Variants in NPAT observed in about 807,000 individuals in gnomAD.
The protein encoded by NPAT is protein NPAT.
In NPAT, 52 loss-of-function variants were observed where a neutral mutation model predicts 130.7. The observed-to-expected ratio is 0.40, with a 90% CI of 0.32 to 0.50. The LOEUF is 0.50. Ranked by LOEUF, NPAT falls within the 20% of genes least tolerant of loss-of-function variation. The pLI is 0.68. For missense variants in NPAT, 1,687 were observed against 1,662.6 expected, an observed-to-expected ratio of 1.01 and a Z score of -0.26; for synonymous variants, 580 against 584.8, an observed-to-expected ratio of 0.99 and a Z score of 0.12.
chr11:108,201,695 T>C (rs1451755745), intron 1 of NPAT, among the ~76,000 whole-genome samples: 2 of 152,196 alleles, frequency 1.3e-5, no homozygotes, highest in Non-Finnish European at 2.9e-5. Context: ...ATACTCCACA[T>C]AATGTGGCAG....
At chr11:108,193,419 C>A (rs1469490048) in intron 3 of NPAT, among the ~76,000 whole-genome samples, 1 of 151,990 alleles carries the variant, frequency 6.6e-6, no homozygotes, top group Non-Finnish European at 1.5e-5. Flanking sequence ...AATTTATGTA[C>A]CACTCAATGT....
chr11:108,172,217 A>C lies in NPAT; in HGVS notation c.2767T>G (p.Ser923Ala). Reference protein sequence around the residue: ...NSVFAVNQAVSPNFSQGSAII... With the variant: ...NSVFAVNQAVAPNFSQGSAII... The stretch of plus-strand genomic sequence containing the variant: ...AAGTTACCTTGTGAAAAGTTTGGTG[A>C]CACAGCTTGGTTGACAGCAAATACA... The change falls in exon 13 of 18, where the codon TCA becomes GCA. Residue 923 changes from serine (S) to alanine (A), a missense_variant. Ser to Ala is a moderately conservative substitution (Grantham distance 99). Around this residue, in one of 3 missense-constraint regions of NPAT, gnomAD observed 1,379 missense variants for 1,346.6 expected, o/e 1.02. Coordinates refer to ENST00000278612, the MANE Select transcript of NPAT (RefSeq NM_002519.3). 6.2e-7 allele frequency: 1 copy of C among 1,614,130 alleles called. No homozygotes were observed. Among genetic ancestry groups the C allele is most frequent in the Non-Finnish European group, 8.5e-7 (1 of 1,179,974 alleles).
intron 1 of NPAT, among the ~76,000 whole-genome samples, chr11:108,211,796 A>C (rs979759398): frequency 3.3e-5 from 5 of 152,198 alleles, no homozygotes; most frequent in Non-Finnish European, 7.3e-5. Context: ...CAAAAAATTA[A>C]AAATTTAGCT....
Position 108,188,131 on chromosome 11 carries a change from T to G in NPAT, c.605A>C (p.His202Pro), listed in dbSNP as rs747183862. The G allele has an allele frequency of 1.2e-6, 2 of 1,613,702 alleles. No individual in the cohort carries two copies. Among genetic ancestry groups the G allele is most frequent in the Non-Finnish European group, 1.7e-6 (2 of 1,179,816 alleles). Residue 202 changes from histidine to proline, a missense_variant, in exon 7 of 18, where the codon CAT becomes CCT. By Grantham distance (77) the His-to-Pro change is moderately conservative. Coordinates refer to ENST00000278612, the MANE Select transcript of NPAT (RefSeq NM_002519.3). ...VIPGAQEKKA[H>P]ASLMSPGRRK... ...TCTACCGGGAGACATTAAACTGGCA[T>G]GTGCTTTCTTTTCCTGAGCACCAGG...
At chr11:108,207,674 A>G (rs1184228840) in intron 1 of NPAT, among the ~76,000 whole-genome samples, 2 of 152,234 alleles carry the variant, frequency 1.3e-5, no homozygotes, top group African/African-American at 4.8e-5. Context: ...GGGAGCAGGG[A>G]GAGGCCAGGC....
At chr11:108,208,587 TTA>T in intron 1 of NPAT, 5 of 265,216 alleles carry the variant, frequency 1.9e-5, no homozygotes, top group Non-Finnish European at 3.7e-5. Flanking sequence ...GACCCTGTCT[TTA>T]AAAAAAAAAA....
Position 108,170,186 on chromosome 11 carries a change from C to A in NPAT, c.2786-143G>T. On this transcript the variant is annotated intron_variant, in intron 13 of 17. Coordinates refer to ENST00000278612, the MANE Select transcript of NPAT (RefSeq NM_002519.3). ...TTCCTTACGATCCACTCTCCAAAAA[C>A]AAAACAAAACAAAACAAAAAAAACG... is the stretch of plus-strand genomic sequence containing the variant. The A allele has an allele frequency of 1.5e-3, 717 of 472,606 alleles. No homozygotes were observed. The highest frequency in any genetic ancestry group is 3.9e-3 in the Middle Eastern group (6 of 1,534). The allele number at this position is 472,606 out of a possible 1,614,324, so 29.3% of individuals were successfully genotyped here. A position where few individuals can be genotyped will look rare whatever the true frequency, so the allele number is the denominator to read the frequency against.
chr11:108,184,082 G>T (rs1374361219), intron 10 of NPAT, among the ~76,000 whole-genome samples: 5 of 152,020 alleles, frequency 3.3e-5, no homozygotes, highest in Non-Finnish European at 7.4e-5. Flanking sequence ...ACTACCAATA[G>T]CAACAGTGAC....
At chr11:108,186,414 T>C (rs2078108395) in intron 8 of NPAT, 68 bp downstream of exon 8, 1 of 1,113,926 alleles carries the variant, frequency 9.0e-7, no homozygotes, top group Non-Finnish European at 1.4e-6. Flanking sequence ...ATACATACAT[T>C]TGTGTATATA....
intron 1 of NPAT, among the ~76,000 whole-genome samples, chr11:108,219,910 C>G (rs2078467907): frequency 6.6e-6 from 1 of 152,216 alleles, no homozygotes; most frequent in Admixed American, 6.5e-5. Context: ...TTAAGAAGTA[C>G]TGACTGTACT....
At chr11:108,183,877 A>G (rs1893813) in intron 10 of NPAT, among the ~76,000 whole-genome samples, 95,295 of 151,622 alleles carry the variant, frequency 0.63, 30,268 homozygotes, top group Middle Eastern at 0.76. Context: ...GAAGGCTGAG[A>G]TGGGAGTATC....
rs762192920 is a variant in NPAT at position 108,170,001 on chromosome 11, T to C, written c.2828A>G (p.Gln943Arg). The change falls in exon 14 of 18, where the codon CAA becomes CGA. Residue 943 changes from glutamine (Q) to arginine (R), a missense_variant. By Grantham distance (43) the Gln-to-Arg change is conservative. Coordinates refer to ENST00000278612, the MANE Select transcript of NPAT (RefSeq NM_002519.3). ...IIASPVQPVLQGMVGMIPVSV... is the reference protein window; with the variant it reads ...IIASPVQPVLRGMVGMIPVSV... ...TACTGGGATCATCCCTACCATTCCTTGGAGTACAGGCTGGACTGGAGAGGC... is the reference window on the plus strand; with the variant it reads ...TACTGGGATCATCCCTACCATTCCTCGGAGTACAGGCTGGACTGGAGAGGC... 8.1e-6 allele frequency: 13 copies of C among 1,613,792 alleles called. No homozygotes were observed. Among genetic ancestry groups the C allele is most frequent in the South Asian group, 6.6e-5 (6 of 91,090 alleles).
chr11:108,178,331 A>G (rs375404091), intron 10 of NPAT, among the ~76,000 whole-genome samples: 5 of 152,274 alleles, frequency 3.3e-5, no homozygotes, highest in South Asian at 4.1e-4. Flanking sequence ...GGGAGGGCTC[A>G]TGACTGACAA....
rs1423182759 is a variant in NPAT, at chr11:108,157,700, T to C, written c.*1242A>G. 6.6e-6 allele frequency: 1 copy of C among 152,346 alleles called. No individual in the cohort carries two copies. The highest frequency in any genetic ancestry group is 1.5e-5 in the Non-Finnish European group (1 of 67,982). 9.4% of individuals were successfully genotyped at this position (152,346 alleles called of 1,614,324 possible). A position where few individuals can be genotyped will look rare whatever the true frequency, so the allele number is the denominator to read the frequency against. ...GAAAAAAATCCCTAATATACTGATATTTAATTGAACGGAAAGTACTAAAGA... is the reference window on the plus strand; with the variant it reads ...GAAAAAAATCCCTAATATACTGATACTTAATTGAACGGAAAGTACTAAAGA... On this transcript the variant is annotated 3_prime_UTR_variant, in exon 18 of 18. Coordinates refer to ENST00000278612, the MANE Select transcript of NPAT (RefSeq NM_002519.3).
chr11:108,217,758 C>T (rs12271119), intron 1 of NPAT, among the ~76,000 whole-genome samples: 7,987 of 152,060 alleles, frequency 0.053, 683 homozygotes, highest in African/African-American at 0.18. Context: ...TTTGGGAGGC[C>T]GAGGCGCATG....
intron 5 of NPAT, 42 bp downstream of exon 5, chr11:108,190,418 G>C: frequency 6.6e-7 from 1 of 1,511,360 alleles, no homozygotes; most frequent in Non-Finnish European, 9.2e-7. Flanking sequence ...GATAGTTTAA[G>C]TTTGAAGTAA....
At chr11:108,208,346 T>C (rs2078349065) in intron 1 of NPAT, 2 of 371,548 alleles carry the variant, frequency 5.4e-6, no homozygotes, top group South Asian at 1.9e-5. Context: ...GTAGCTCACT[T>C]TGGGGAGGCT....
rs1445024251 is a variant in NPAT at position 108,217,255 on chromosome 11, C to G, written c.37+5245G>C. 3.3e-5 allele frequency among the ~76,000 whole-genome samples: 5 copies of G among 152,190 alleles called. No individual in the cohort carries two copies. The East Asian group carries it at 9.6e-4, about 29-fold the overall frequency. On this transcript the variant is annotated intron_variant, in intron 1 of 17. Coordinates refer to ENST00000278612, the MANE Select transcript of NPAT (RefSeq NM_002519.3). ...AGTTCCTGCCTTGCACCCTAAGCTG[C>G]TGGGATAGGCTCTAGCTACCTGCAA...
intron 10 of NPAT, among the ~76,000 whole-genome samples, chr11:108,182,557 GC>G (rs1297477438): frequency 2.6e-5 from 4 of 152,232 alleles, no homozygotes; most frequent in African/African-American, 9.6e-5. Context: ...GAGTGCAGTG[GC>G]GCGATCTCGC....
Sources: allele counts gnomAD v4.1 joint callset (sites outside exome capture counted in the v4.1 genomes callset), GRCh38; gene constraint gnomAD v4.1.1; regional missense constraint gnomAD v4.1.1; transcripts MANE v1.5; gene names NCBI Gene and HGNC (gene_info 2026-07-23, HGNC 2026-07-21).